PCDHGA8: variants seen among roughly 807,000 people sequenced by gnomAD.
PCDHGA8 encodes protocadherin gamma-A8.
Under a neutral mutation model 59.2 loss-of-function variants are expected in PCDHGA8, and 45 were observed. That is an observed-to-expected ratio of 0.76 (90% CI 0.60 to 0.98). The LOEUF (loss-of-function observed/expected upper bound fraction) is 0.98. PCDHGA8 is among the 50% of genes least tolerant of loss of function. The pLI is 0.00. For missense variants in PCDHGA8, 1,257 were observed against 1,196.2 expected (o/e 1.05, Z -0.75); for synonymous variants, 531 against 519.0 (o/e 1.02, Z -0.32).
At chr5:141,416,929 C>T (rs1184470714) in intron 1 of PCDHGA8, 1 of 151,960 alleles carries the variant, frequency 6.6e-6, no homozygotes. Flanking sequence ...TAGTTATTAA[C>T]TATTAAACCA....
rs1481151067 is a variant in PCDHGA8, at chr5:141,477,223, T to A, written c.2425-17584T>A. On this transcript the variant is annotated intron_variant, in intron 1 of 3. Transcript: ENST00000398604. This position sits in a 1 kb window ranked among gnomAD's most constrained non-coding sequence, Gnocchi z 4.9. ...TACCCGAGGATGCCCCTCTGGGGAC[T>A]GTCATCGCTTTGCTCAGTGTGACTG... The A allele has an allele frequency of 6.2e-7, 1 of 1,614,198 alleles. No individual in the cohort carries two copies. The highest frequency in any genetic ancestry group is 1.1e-5 in the South Asian group (1 of 91,084).
At position 141,403,020 on chromosome 5, in the gene PCDHGA8, T is replaced by A. The variant is rs761279674; in HGVS notation, c.2424+7783T>A. ...CTGCTATGCTCGCTCCTGGGGATGCTATGGGAGGCCAGGGCCAGTCAGATT... is the reference window on the plus strand; with the variant it reads ...CTGCTATGCTCGCTCCTGGGGATGCAATGGGAGGCCAGGGCCAGTCAGATT... On this transcript the variant is annotated intron_variant, in intron 1 of 3. Transcript: ENST00000398604. The A allele has an allele frequency of 8.1e-6, 13 of 1,614,034 alleles. 1 individual carries two copies. The South Asian group carries it at 1.4e-4, about 18-fold the overall frequency.
intron 1 of PCDHGA8, chr5:141,402,901 T>C: frequency 1.3e-6 from 2 of 1,520,230 alleles, no homozygotes; most frequent in Non-Finnish European, 1.8e-6. Flanking sequence ...AAGAACCTGA[T>C]GAAGCAGCGC....
At chr5:141,499,300 C>G (rs2154592463) in intron 2 of PCDHGA8, among the ~76,000 whole-genome samples, 1 of 152,292 alleles carries the variant, frequency 6.6e-6, no homozygotes, top group South Asian at 2.1e-4. Context: ...ACTACCATCC[C>G]TCCTCTGAGA....
At position 141,476,676 on chromosome 5, in the gene PCDHGA8, G is replaced by A. The variant is rs753538822; in HGVS notation, c.2425-18131G>A. The A allele has an allele frequency of 6.2e-7, 1 of 1,614,222 alleles. No individual in the cohort carries two copies. The highest frequency in any genetic ancestry group is 8.5e-7 in the Non-Finnish European group (1 of 1,180,054). On this transcript the variant is annotated intron_variant, in intron 1 of 3. Transcript: ENST00000398604. The surrounding 1 kb of genome is among the most constrained non-coding windows in gnomAD (Gnocchi z 7.6). ...TACTTTGCGCTTCGCGTGCAGACGC[G>A]GGAGGACAGCACCAAGTACGCGGAG...
chr5:141,422,587 CCTCA>C, intron 1 of PCDHGA8: 1 of 1,614,032 alleles, frequency 6.2e-7, no homozygotes, highest in Non-Finnish European at 8.5e-7. Context: ...TCCCGTTTTT[CCTCA>C]CTCCTCTTAC....
intron 1 of PCDHGA8, chr5:141,405,019 T>C (rs2094597771): frequency 6.2e-7 from 1 of 1,613,860 alleles, no homozygotes; most frequent in African/African-American, 1.3e-5. Flanking sequence ...CCTCAGACCT[T>C]ACCCTCTACC....
intron 1 of PCDHGA8, chr5:141,408,896 GT>G: frequency 6.2e-7 from 1 of 1,613,328 alleles, no homozygotes; most frequent in Non-Finnish European, 8.5e-7. Context: ...AGAAATTTCT[GT>G]CAAGGATACC....
chr5:141,394,568 C>T lies in PCDHGA8; in HGVS notation c.1755C>T (p.Gly585=), dbSNP rs373695437. The T allele has an allele frequency of 1.2e-6, 2 of 1,614,072 alleles. No homozygotes were observed. Among genetic ancestry groups the T allele is most frequent in the African/African-American group, 2.7e-5 (2 of 75,060 alleles). The change falls in exon 1 of 4, where the codon GGC becomes GGT. Residue 585 remains glycine, a synonymous_variant. Transcript: ENST00000398604. ...VELAPRSAER[G]YLVTKVVAVD... The stretch of plus-strand genomic sequence containing the variant: ...TGGCGCCCCGCTCCGCAGAGCGTGG[C>T]TACCTGGTGACCAAGGTGGTGGCGG...
At chr5:141,409,867 C>T (rs376725837) in intron 1 of PCDHGA8, 35 of 1,612,662 alleles carry the variant, frequency 2.2e-5, no homozygotes, top group African/African-American at 2.1e-4. Flanking sequence ...TGGGAGACCG[C>T]AATGACAACG....
chr5:141,504,752 A>G (rs1194764381), intron 2 of PCDHGA8, among the ~76,000 whole-genome samples: 23 of 151,894 alleles, frequency 1.5e-4, no homozygotes, highest in Non-Finnish European at 3.2e-4. Flanking sequence ...TGAATTTTAG[A>G]AATTTCTTCT....
intron 1 of PCDHGA8, chr5:141,399,822 C>T (rs755182775): frequency 1.2e-6 from 2 of 1,613,084 alleles, no homozygotes; most frequent in Admixed American, 3.3e-5. Context: ...CGCTGGGTCC[C>T]GACGGCTCTG....
intron 1 of PCDHGA8, chr5:141,412,746 C>T (rs2095574250): frequency 6.5e-6 from 1 of 154,106 alleles, no homozygotes; most frequent in Non-Finnish European, 1.4e-5. Context: ...ATATATTTAA[C>T]CAAACATTAT....
intron 1 of PCDHGA8, chr5:141,404,701 G>C (rs563319884): frequency 1.2e-6 from 2 of 1,613,956 alleles, no homozygotes; most frequent in Non-Finnish European, 1.7e-6. Context: ...GCTCTGCAGA[G>C]CCTGGCTACC....
rs773729429 is a variant in PCDHGA8, at chr5:141,491,406, C to T, written c.2425-3401C>T. ...CGAAGTGCCTTCAGGGAAACGCAGA[C>T]GGGGACGGGGGTGGAGGGCAGTGCT... On this transcript the variant is annotated intron_variant, in intron 1 of 3. Transcript: ENST00000398604. The surrounding 1 kb of genome is among the most constrained non-coding windows in gnomAD (Gnocchi z 6.9). The T allele has an allele frequency of 1.2e-6, 2 of 1,614,096 alleles. No homozygotes were observed. The highest frequency in any genetic ancestry group is 1.7e-6 in the Non-Finnish European group (2 of 1,179,990).
At chr5:141,404,694 C>A in intron 1 of PCDHGA8, 5 of 1,614,116 alleles carry the variant, frequency 3.1e-6, no homozygotes, top group Non-Finnish European at 4.2e-6. Context: ...GCACCCCGCT[C>A]TGCAGAGCCT....
intron 1 of PCDHGA8, chr5:141,417,903 A>G (rs2096184376): frequency 1.3e-6 from 2 of 1,590,930 alleles, no homozygotes; most frequent in Non-Finnish European, 8.6e-7. Flanking sequence ...GGCCCGCGGC[A>G]GGTACTATTT....
chr5:141,419,334 T>C (rs1260087339), intron 1 of PCDHGA8: 3 of 1,613,870 alleles, frequency 1.9e-6, no homozygotes, highest in Non-Finnish European at 8.5e-7. Flanking sequence ...TACTCTCTCA[T>C]TGCCAGCGAC....
chr5:141,428,013 C>T, intron 1 of PCDHGA8: 4 of 1,603,660 alleles, frequency 2.5e-6, no homozygotes, highest in Non-Finnish European at 3.4e-6. Flanking sequence ...CGATATAGTG[C>T]CACGCGCCGC....
Sources: allele counts gnomAD v4.1 joint callset (sites outside exome capture counted in the v4.1 genomes callset), GRCh38; gene constraint gnomAD v4.1.1; non-coding constraint Gnocchi (gnomAD v3.1); transcripts MANE v1.5; gene names NCBI Gene and HGNC (gene_info 2026-07-23, HGNC 2026-07-21).